NLN: variants seen among roughly 807,000 people sequenced by gnomAD.
NLN encodes neurolysin, mitochondrial.
In NLN, 64 loss-of-function variants were observed where a neutral mutation model predicts 79.9. The observed-to-expected ratio is 0.80, with a 90% CI of 0.65 to 0.99. The LOEUF (loss-of-function observed/expected upper bound fraction) is 0.99. Among genes scored for constraint, NLN ranks in the 50% least tolerant of loss-of-function variants. NLN has a pLI of 0.00. For missense variants in NLN, 835 were observed against 858.7 expected (o/e 0.97, Z 0.34); for synonymous variants, 267 against 296.6 (o/e 0.90, Z 1.02).
intron 12 of NLN, among the ~76,000 whole-genome samples, chr5:65,818,560 G>GT (rs1349189617): frequency 6.6e-6 from 1 of 152,120 alleles, no homozygotes; most frequent in Non-Finnish European, 1.5e-5. Context: ...GTCAGCACCA[G>GT]TTTTTTTCTC....
chr5:65,748,876 T>C (rs529508131), intron 1 of NLN, among the ~76,000 whole-genome samples: 5 of 152,310 alleles, frequency 3.3e-5, no homozygotes, highest in African/African-American at 9.6e-5. Flanking sequence ...TTTGGCTGTG[T>C]CCCTACCCAA....
chr5:65,820,793 G>A (rs1760776016), intron 12 of NLN, among the ~76,000 whole-genome samples: 1 of 152,018 alleles, frequency 6.6e-6, no homozygotes, highest in Non-Finnish European at 1.5e-5. Flanking sequence ...TGTAATCCCA[G>A]CACTTTGGGA....
intron 3 of NLN, among the ~76,000 whole-genome samples, chr5:65,763,519 A>G (rs1759384821): frequency 6.6e-6 from 1 of 152,096 alleles, no homozygotes; most frequent in Admixed American, 6.6e-5. Context: ...CCTGTCTGTC[A>G]TCCTTACATT....
chr5:65,750,185 T>C (rs1355632625), intron 1 of NLN, among the ~76,000 whole-genome samples: 1 of 152,282 alleles, frequency 6.6e-6, no homozygotes, highest in Non-Finnish European at 1.5e-5. Flanking sequence ...GTTCGAACTT[T>C]CTGCAGTGGC....
chr5:65,750,217 T>G (rs1004849641), intron 1 of NLN, among the ~76,000 whole-genome samples: 4 of 152,264 alleles, frequency 2.6e-5, no homozygotes, highest in Non-Finnish European at 4.4e-5. Flanking sequence ...CTATCTGTGC[T>G]GTCTAGTGTG....
At chr5:65,771,742 T>A (rs184383227) in intron 3 of NLN, among the ~76,000 whole-genome samples, 1 of 152,108 alleles carries the variant, frequency 6.6e-6, no homozygotes, top group East Asian at 1.9e-4. Flanking sequence ...ACCGACCGGG[T>A]ATAGTGGCTC....
At chr5:65,822,705 TCTC>T in intron 12 of NLN, 73 bp from the exon 13 acceptor site, 4 of 1,092,948 alleles carry the variant, frequency 3.7e-6, no homozygotes, top group Non-Finnish European at 4.3e-6. Flanking sequence ...ACCCCTACCC[TCTC>T]CTCTTTTGCA....
At chr5:65,738,717 C>T (rs1758790859) in intron 1 of NLN, among the ~76,000 whole-genome samples, 1 of 151,558 alleles carries the variant, frequency 6.6e-6, no homozygotes, top group Non-Finnish European at 1.5e-5. Flanking sequence ...CAACTCCCTC[C>T]TTTCACCAGC....
At chr5:65,792,742 G>A (rs778943163) in intron 9 of NLN, 87 bp downstream of exon 9, 49 of 1,136,814 alleles carry the variant, frequency 4.3e-5, no homozygotes, top group Non-Finnish European at 5.1e-5. Context: ...CTCCTAACAG[G>A]TTTTTTCAGA....
intron 1 of NLN, among the ~76,000 whole-genome samples, chr5:65,742,023 C>T (rs1328274709): frequency 6.6e-6 from 1 of 152,052 alleles, no homozygotes. Flanking sequence ...TTGTCAGTGG[C>T]AGAAATATTA....
At chr5:65,766,556 GGGACACA>G (rs1170621543) in intron 3 of NLN, among the ~76,000 whole-genome samples, 1 of 152,134 alleles carries the variant, frequency 6.6e-6, no homozygotes, top group Non-Finnish European at 1.5e-5. Context: ...GATTTGGGTA[GGGACACA>G]GCCAAACTTT....
intron 1 of NLN, among the ~76,000 whole-genome samples, chr5:65,740,042 T>C (rs902428120): frequency 2.0e-5 from 3 of 152,182 alleles, no homozygotes; most frequent in African/African-American, 7.2e-5. Context: ...ACTCTGCTTG[T>C]GGGGTCATAT....
chr5:65,742,511 T>A (rs1228319612), intron 1 of NLN, among the ~76,000 whole-genome samples: 1 of 152,178 alleles, frequency 6.6e-6, no homozygotes, highest in Non-Finnish European at 1.5e-5. Flanking sequence ...AAGGCCAGAA[T>A]GTCTCCATAT....
At position 65,781,307 on chromosome 5, in the gene NLN, T is replaced by A; in HGVS notation, c.708T>A (p.Asp236Glu). ...TTGACAGTTTAGAAAAGACAGATGA[T>A]GACAAGTATAAAATTACCTTAAAAT... ...DFIDSLEKTDDDKYKITLKYP... is the reference protein window; with the variant it reads ...DFIDSLEKTDEDKYKITLKYP... The change falls in exon 6 of 13, where the codon GAT (aspartate) becomes GAA (glutamate). Residue 236 changes from aspartate to glutamate, a missense_variant. Transcript: ENST00000380985. 6.2e-7 allele frequency: 1 copy of A among 1,608,102 alleles called. No individual in the cohort carries two copies. The highest frequency in any genetic ancestry group is 8.5e-7 in the Non-Finnish European group (1 of 1,174,776).
At chr5:65,744,920 T>A (rs567063291) in intron 1 of NLN, among the ~76,000 whole-genome samples, 1 of 152,274 alleles carries the variant, frequency 6.6e-6, no homozygotes, top group African/African-American at 2.4e-5. Flanking sequence ...ACCTTATCAA[T>A]AAAAGATGTA....
intron 1 of NLN, among the ~76,000 whole-genome samples, chr5:65,733,837 A>C (rs1758666138): frequency 7.3e-6 from 1 of 137,002 alleles, no homozygotes; most frequent in Non-Finnish European, 1.6e-5. Context: ...CTCCTGCCTC[A>C]GCCTCCCTAG....
chr5:65,809,990 C>T (rs750793939), intron 10 of NLN, 47 bp from the exon 11 acceptor site: 19 of 1,596,004 alleles, frequency 1.2e-5, no homozygotes, highest in East Asian at 2.2e-5. Context: ...ATAAAACACA[C>T]AGTTCTGTCT....
chr5:65,796,781 A>G (rs775539442), intron 9 of NLN, among the ~76,000 whole-genome samples: 1 of 152,246 alleles, frequency 6.6e-6, no homozygotes, highest in Non-Finnish European at 1.5e-5. Context: ...GAGATTGACA[A>G]CTTCTATGTT....
intron 1 of NLN, among the ~76,000 whole-genome samples, chr5:65,737,681 T>C (rs1379520780): frequency 6.6e-6 from 1 of 152,178 alleles, no homozygotes; most frequent in African/African-American, 2.4e-5. Flanking sequence ...CAGTAGAAAG[T>C]AGATATTTCA....
Sources: allele counts gnomAD v4.1 joint callset (sites outside exome capture counted in the v4.1 genomes callset), GRCh38; gene constraint gnomAD v4.1.1; transcripts MANE v1.5; gene names NCBI Gene and HGNC (gene_info 2026-07-23, HGNC 2026-07-21).